Variants in NRXN3 observed in about 807,000 individuals in gnomAD.
NRXN3 encodes the protein neurexin III.
Under a neutral mutation model 137.6 loss-of-function variants are expected in NRXN3, and 32 were observed. The ratio of observed to expected loss-of-function variants is 0.23; its 90% CI spans 0.18 to 0.31. NRXN3 has a LOEUF of 0.31. Among genes scored for constraint, NRXN3 ranks in the 10% least tolerant of loss-of-function variants. The pLI is 1.00. For synonymous variants in NRXN3, 798 were observed against 784.5 expected (o/e 1.02, Z -0.29); for missense variants, 1,574 against 2,062.5 (o/e 0.76, Z 4.59).
chr14:78,630,667 C>T (rs897382199), intron 4 of NRXN3, among the ~76,000 whole-genome samples: 19 of 150,010 alleles, frequency 1.3e-4, no homozygotes, highest in African/African-American at 4.2e-4. Flanking sequence ...TGCAGTGGCG[C>T]GATCTTGGCT....
At chr14:79,467,094 A>G (rs1436183975) in intron 15 of NRXN3, 127 bp from the exon 16 acceptor site, 4 of 883,828 alleles carry the variant, frequency 4.5e-6, no homozygotes, top group Non-Finnish European at 6.5e-6. Context: ...CCTCTCAGTA[A>G]CCAAATACTG....
chr14:79,655,190 A>G (rs917128225), intron 16 of NRXN3, among the ~76,000 whole-genome samples: 7 of 152,202 alleles, frequency 4.6e-5, no homozygotes, highest in African/African-American at 1.7e-4. Flanking sequence ...AGATGAATGA[A>G]AAGACTTCCT....
rs534518312 is a variant in NRXN3, at chr14:79,211,361, T to A, written c.3262+223220T>A. Among the ~76,000 whole-genome samples the A allele has an allele frequency of 9.5e-4, 144 of 152,300 alleles. 2 individuals are homozygous for A. The highest frequency in any genetic ancestry group is 3.4e-3 in the African/African-American group (141 of 41,572). On this transcript the variant is annotated intron_variant, in intron 15 of 20. Transcript: ENST00000335750. Reference sequence around the variant, plus strand: ...GAAGAAATGAAAATACTTCCTTGCTTAATGTTGGAGAAAAGAATCACTAAC... The same window carrying A: ...GAAGAAATGAAAATACTTCCTTGCTAAATGTTGGAGAAAAGAATCACTAAC...
chr14:79,638,547 A>C (rs561381904), intron 16 of NRXN3, among the ~76,000 whole-genome samples: 1 of 152,364 alleles, frequency 6.6e-6, no homozygotes, highest in Admixed American at 6.5e-5. Context: ...GACTAAAGAA[A>C]GATATAGAAA....
intron 15 of NRXN3, among the ~76,000 whole-genome samples, chr14:79,110,111 T>C (rs1185069213): frequency 2.6e-5 from 4 of 152,186 alleles, no homozygotes; most frequent in South Asian, 2.1e-4. Context: ...ATTTGTATTA[T>C]GTTATATTAT....
chr14:78,435,892 G>C, intron 4 of NRXN3, among the ~76,000 whole-genome samples: 1 of 152,222 alleles, frequency 6.6e-6, no homozygotes, highest in Admixed American at 6.5e-5. Context: ...GCAGTGGGCT[G>C]TTCCCCAAAA....
At chr14:78,526,663 T>G in intron 4 of NRXN3, 2 of 435,038 alleles carry the variant, frequency 4.6e-6, no homozygotes, top group Non-Finnish European at 9.1e-6. Context: ...ATTAACTGAA[T>G]GCTTACTTGT....
At chr14:78,815,952 A>G (rs2098931602) in intron 10 of NRXN3, among the ~76,000 whole-genome samples, 1 of 152,206 alleles carries the variant, frequency 6.6e-6, no homozygotes, top group South Asian at 2.1e-4. Context: ...GAGCCTATGT[A>G]TCATAATGTA....
At chr14:78,562,242 C>G (rs1298948654) in intron 4 of NRXN3, among the ~76,000 whole-genome samples, 1 of 151,674 alleles carries the variant, frequency 6.6e-6, no homozygotes, top group Non-Finnish European at 1.5e-5. Context: ...ACTAAAAATA[C>G]AAAAATTAGT....
rs543901339 is a variant in NRXN3, at chr14:78,493,859, T to C, written c.758-151261T>C. ...AGGCTAATATAAAACAAAACCTACT[T>C]AAGGTCCAGATTTTTTTGTCCCAGC... On this transcript the variant is annotated intron_variant, in intron 4 of 20. Coordinates refer to ENST00000335750, the MANE Select transcript of NRXN3 (RefSeq NM_001330195.2). Among the ~76,000 whole-genome samples, 9 of 152,314 alleles carry C rather than the reference T, an allele frequency of 5.9e-5. No homozygotes were observed. The South Asian group carries it at 1.9e-3, about 32-fold the overall frequency.
chr14:79,052,404 G>C (rs2099643238), intron 15 of NRXN3, among the ~76,000 whole-genome samples: 1 of 152,210 alleles, frequency 6.6e-6, no homozygotes, highest in Non-Finnish European at 1.5e-5. Flanking sequence ...CAGCTTCTCA[G>C]AGGACCTGAG....
intron 20 of NRXN3, among the ~76,000 whole-genome samples, chr14:79,817,242 G>A (rs995849170): frequency 1.8e-4 from 28 of 152,070 alleles, no homozygotes; most frequent in Admixed American, 2.6e-4. Flanking sequence ...TAGTAGAGAC[G>A]GGGTTTTACC....
chr14:79,422,119 G>T (rs911031302), intron 15 of NRXN3, among the ~76,000 whole-genome samples: 12 of 152,300 alleles, frequency 7.9e-5, no homozygotes, highest in African/African-American at 2.2e-4. Context: ...GAATGCAGTA[G>T]TGTGAGCATG....
intron 17 of NRXN3, among the ~76,000 whole-genome samples, chr14:79,668,472 G>C (rs1249458507): frequency 6.6e-6 from 1 of 152,126 alleles, no homozygotes; most frequent in Non-Finnish European, 1.5e-5. Context: ...GTGTCACACA[G>C]CTTAAGGAGC....
At chr14:78,371,671 G>T (rs1176867929) in intron 4 of NRXN3, among the ~76,000 whole-genome samples, 1 of 152,182 alleles carries the variant, frequency 6.6e-6, no homozygotes, top group Non-Finnish European at 1.5e-5. Context: ...ACACCCACTC[G>T]CCTGTGTGCT....
intron 19 of NRXN3, among the ~76,000 whole-genome samples, chr14:79,757,494 A>G (rs1222844933): frequency 2.0e-5 from 3 of 152,218 alleles, no homozygotes; most frequent in Non-Finnish European, 4.4e-5. Flanking sequence ...TGAAATTATT[A>G]TAAATTCTCC....
At chr14:79,796,319 C>T (rs180781728) in intron 19 of NRXN3, among the ~76,000 whole-genome samples, 122 of 152,264 alleles carry the variant, frequency 8.0e-4, no homozygotes, top group Non-Finnish European at 9.1e-4. Flanking sequence ...TGGAACACCA[C>T]GTAGCATTAC....
At chr14:78,475,677 C>T (rs1413837396) in intron 4 of NRXN3, among the ~76,000 whole-genome samples, 1 of 152,208 alleles carries the variant, frequency 6.6e-6, no homozygotes. Flanking sequence ...TTACCAAACA[C>T]CTCTGCTACA....
intron 15 of NRXN3, among the ~76,000 whole-genome samples, chr14:79,421,875 A>G (rs1303637208): frequency 1.3e-5 from 2 of 152,174 alleles, no homozygotes; most frequent in Middle Eastern, 3.2e-3. Flanking sequence ...GGTGATTTTC[A>G]TAGATAAGAG....
Sources: gnomAD v4.1 joint callset for allele counts (sites outside exome capture counted in the v4.1 genomes callset) on GRCh38, gnomAD v4.1.1 for gene constraint, MANE v1.5 for transcripts, NCBI Gene and HGNC (gene_info 2026-07-23, HGNC 2026-07-21) for gene names.